Variants in C1QTNF1 observed in about 807,000 individuals in gnomAD.
The protein encoded by C1QTNF1 is complement C1q tumor necrosis factor-related protein 1.
In C1QTNF1, 22 loss-of-function variants were observed where a neutral mutation model predicts 27.8. That is an observed-to-expected ratio of 0.79 (90% confidence interval 0.56 to 1.13). The LOEUF is 1.13. Ranked by LOEUF, C1QTNF1 falls within the 50% of genes most tolerant of loss-of-function variation. The pLI, the probability that C1QTNF1 is intolerant of heterozygous loss-of-function variation, is 0.00. For missense variants in C1QTNF1, 373 were observed against 380.2 expected (o/e 0.98, Z 0.16); for synonymous variants, 166 against 154.3 (o/e 1.08, Z -0.56).
intron 3 of C1QTNF1, chr17:79,047,045 T>C (rs2072595047): frequency 3.3e-6 from 1 of 306,512 alleles, no homozygotes; most frequent in Admixed American, 4.6e-5. Flanking sequence ...AAATGCCACC[T>C]GCTCGCTCCG....
At chr17:79,044,723 G>C (rs532057586) in intron 2 of C1QTNF1, among the ~76,000 whole-genome samples, 1 of 152,328 alleles carries the variant, frequency 6.6e-6, no homozygotes, top group South Asian at 2.1e-4. Flanking sequence ...TAGGGAAGCC[G>C]AGTGCTTCAT....
upstream of C1QTNF1, chr17:79,022,950 A>C (rs182393325): frequency 6.6e-6 from 1 of 152,448 alleles, no homozygotes; most frequent in Admixed American, 6.5e-5. Context: ...CCTCAGCTCT[A>C]CCTGAGTGCT....
chr17:79,043,307 ATG>A (rs1462732274), intron 1 of C1QTNF1: 2 of 449,498 alleles, frequency 4.4e-6, no homozygotes, highest in Non-Finnish European at 8.8e-6. Context: ...GTATGTGTGC[ATG>A]TGAGTTGTGC....
chr17:79,033,668 T>C (rs538037106), intron 1 of C1QTNF1, among the ~76,000 whole-genome samples: 17 of 152,074 alleles, frequency 1.1e-4, no homozygotes, highest in African/African-American at 4.1e-4. Flanking sequence ...ACTGTACCAC[T>C]GCACTCCAGC....
chr17:79,025,256 C>T (rs2071910157), intron 1 of C1QTNF1, among the ~76,000 whole-genome samples: 1 of 152,158 alleles, frequency 6.6e-6, no homozygotes, highest in African/African-American at 2.4e-5. Flanking sequence ...GTGTGGTCCC[C>T]ACTGTTAGCC....
At chr17:79,032,308 C>T (rs967746939) in intron 1 of C1QTNF1, among the ~76,000 whole-genome samples, 1 of 152,114 alleles carries the variant, frequency 6.6e-6, no homozygotes, top group Non-Finnish European at 1.5e-5. Context: ...GAGGAAAGAG[C>T]GGGTGCCAGA....
At chr17:79,032,760 G>T (rs2072168923) in intron 1 of C1QTNF1, among the ~76,000 whole-genome samples, 1 of 152,096 alleles carries the variant, frequency 6.6e-6, no homozygotes, top group South Asian at 2.1e-4. Flanking sequence ...AGTTAATTGG[G>T]GGCTTAAAAG....
Position 79,048,083 on chromosome 17 carries a change from C to T in C1QTNF1, c.841C>T (p.Pro281Ser). The change falls in exon 4 of 4, where the codon CCC becomes TCC. Residue 281 changes from proline (P) to serine (S), a missense_variant. Pro to Ser is a moderately conservative substitution (Grantham distance 74). Transcript: ENST00000579760. ...CTACCTGGTCAAGCACGCCACCGAGCCCTAGCTGGCCGGCCACCTCCTTTC... is the reference window on the plus strand; with the variant it reads ...CTACCTGGTCAAGCACGCCACCGAGTCCTAGCTGGCCGGCCACCTCCTTTC... ...SGYLVKHATE[P>S] 2 of 1,549,490 alleles carry T rather than the reference C, an allele frequency of 1.3e-6. No individual in the cohort carries two copies. Among genetic ancestry groups the T allele is most frequent in the Non-Finnish European group, 1.7e-6 (2 of 1,153,078 alleles).
intron 1 of C1QTNF1, among the ~76,000 whole-genome samples, chr17:79,043,093 T>C (rs916558508): frequency 1.3e-5 from 2 of 151,402 alleles, no homozygotes; most frequent in African/African-American, 2.4e-5. Flanking sequence ...TGTGTATGTG[T>C]GTGCATGTGT....
chr17:79,042,395 A>C (rs1454489059), intron 1 of C1QTNF1, among the ~76,000 whole-genome samples: 1 of 152,196 alleles, frequency 6.6e-6, no homozygotes, highest in African/African-American at 2.4e-5. Flanking sequence ...GACTGTCCCA[A>C]TACTGGATGG....
rs535624990 is a variant in C1QTNF1 at position 79,047,423 on chromosome 17, G to A, written c.296-115G>A. ...GGGGCAGGAGTGAAGCTTCTGCCAG[G>A]TCAGGGCTGTGAGGACGAATCAGGA... On this transcript the variant is annotated intron_variant, in intron 3 of 3. Coordinates refer to ENST00000579760, the MANE Select transcript of C1QTNF1 (RefSeq NM_030968.5). The A allele has an allele frequency of 1.2e-5, 13 of 1,092,710 alleles. No individual in the cohort carries two copies. The African/African-American group carries it at 2.0e-4, about 17-fold the overall frequency. 67.7% of individuals were successfully genotyped at this position (1,092,710 alleles called of 1,614,324 possible).
At chr17:79,025,972 C>A in intron 1 of C1QTNF1, 3 of 362,656 alleles carry the variant, frequency 8.3e-6, no homozygotes, top group South Asian at 4.5e-5. Context: ...AGGCGCTCAA[C>A]ATTATATTAA....
rs1027223959 is a variant in C1QTNF1 at position 79,048,232 on chromosome 17, C to T, written c.*144C>T. ...TGCACACACAGAAAGCCAAAGCGAT[C>T]GGTGCTCCCAGATCCCGCAGCCTCT... is the stretch of plus-strand genomic sequence containing the variant. On this transcript the variant is annotated 3_prime_UTR_variant, in exon 4 of 4. Transcript: ENST00000579760. The T allele has an allele frequency of 4.8e-5, 39 of 817,760 alleles. No individual in the cohort carries two copies. The African/African-American group carries it at 5.4e-4, about 11-fold the overall frequency. 50.7% of individuals were successfully genotyped at this position (817,760 alleles called of 1,614,324 possible). A position where few individuals can be genotyped will look rare whatever the true frequency, so the allele number is the denominator to read the frequency against.
At chr17:79,023,744 G>A (rs2047089193), upstream of C1QTNF1, among the ~76,000 whole-genome samples, 1 of 141,324 alleles carries the variant, frequency 7.1e-6, no homozygotes, top group Non-Finnish European at 1.5e-5. Flanking sequence ...ACACAGTTTG[G>A]CATTTTGTTA....
intron 1 of C1QTNF1, among the ~76,000 whole-genome samples, chr17:79,042,848 T>TA (rs1462411500): frequency 2.0e-5 from 3 of 152,238 alleles, no homozygotes; most frequent in Non-Finnish European, 4.4e-5. Context: ...AAGGTGTGTG[T>TA]ACATGTGAGC....
intron 1 of C1QTNF1, among the ~76,000 whole-genome samples, chr17:79,042,782 C>T (rs1017549656): frequency 6.6e-6 from 1 of 152,232 alleles, no homozygotes; most frequent in Non-Finnish European, 1.5e-5. Flanking sequence ...TCAGCAACCC[C>T]TCAACACCAG....
At chr17:79,023,792 C>G (rs1184850706), upstream of C1QTNF1, among the ~76,000 whole-genome samples, 3 of 152,112 alleles carry the variant, frequency 2.0e-5, no homozygotes, top group Admixed American at 2.0e-4. Context: ...TGTCTGAGTC[C>G]CCGATAATGC....
At chr17:79,023,756 AG>A (rs1015002124), upstream of C1QTNF1, among the ~76,000 whole-genome samples, 42 of 151,280 alleles carry the variant, frequency 2.8e-4, no homozygotes, top group African/African-American at 1.0e-3. Flanking sequence ...ATTTTGTTAT[AG>A]GGGGTTCACA....
Position 79,046,884 on chromosome 17 carries a change from C to A in C1QTNF1, c.295+190C>A. ...TTCTGATTTTGAGGCTCTGGCCCCT[C>A]TCCAAGAGGAGGGGTTGGAAAGGGG... On this transcript the variant is annotated intron_variant, in intron 3 of 3. Transcript: ENST00000579760. This position sits in a 1 kb window ranked among gnomAD's most constrained non-coding sequence, Gnocchi z 4.8. The A allele has an allele frequency of 1.3e-6, 1 of 743,006 alleles. No individual in the cohort carries two copies. 46.0% of individuals were successfully genotyped at this position (743,006 alleles called of 1,614,324 possible).
Sources: allele counts gnomAD v4.1 joint callset (sites outside exome capture counted in the v4.1 genomes callset), GRCh38; gene constraint gnomAD v4.1.1; non-coding constraint Gnocchi (gnomAD v3.1); transcripts MANE v1.5; gene names NCBI Gene and HGNC (gene_info 2026-07-23, HGNC 2026-07-21).